MIAT: variants seen among roughly 807,000 people sequenced by gnomAD.
MIAT encodes the protein myocardial infarction associated transcript, also known as MI related novel mRNA.
chr22:26,655,750 T>G (rs1161435101), intron 2 of MIAT, among the ~76,000 whole-genome samples: 1 of 152,234 alleles, frequency 6.6e-6, no homozygotes, highest in Non-Finnish European at 1.5e-5. Flanking sequence ...TCAGAATTCC[T>G]TGGTGGGCTT....
At chr22:26,663,815 C>T (rs1602363759) in intron 3 of MIAT, among the ~76,000 whole-genome samples, 1 of 152,072 alleles carries the variant, frequency 6.6e-6, no homozygotes, top group Non-Finnish European at 1.5e-5. Context: ...CCTGTGTAAC[C>T]ATTGCCACAA....
At position 26,669,284 on chromosome 22, in the gene MIAT, C is replaced by A. The variant is rs2146017411; in HGVS notation, n.3389C>A. 2 of 398,768 alleles carry A rather than the reference C, an allele frequency of 5.0e-6. 1 individual carries two copies. Among genetic ancestry groups the A allele is most frequent in the South Asian group, 2.5e-4 (2 of 7,860 alleles). The allele number at this position is 398,768 out of a possible 1,614,324, so 24.7% of individuals were successfully genotyped here. A position where few individuals can be genotyped will look rare whatever the true frequency, so the allele number is the denominator to read the frequency against. ...CAGCTTGGGCTGCCACAGCACCATG[C>A]CAGACTGGATGGCTTAAACATCAGG... On this transcript the variant is annotated non_coding_transcript_exon_variant, in exon 6 of 6. Transcript: ENST00000643270.
exon 6 of MIAT, chr22:26,668,647 G>C (rs554253748): frequency 2.3e-5 from 9 of 399,318 alleles, no homozygotes; most frequent in Admixed American, 1.8e-4. Context: ...GAGTCGGGGA[G>C]GGGCTGTCAG....
chr22:26,672,304 G>A, downstream of MIAT: 1 of 399,190 alleles, frequency 2.5e-6, no homozygotes, highest in Non-Finnish European at 4.4e-6. Flanking sequence ...GGGGCTACTG[G>A]CCCTGTAGAC....
chr22:26,656,481 C>T (rs1046118636), intron 2 of MIAT, among the ~76,000 whole-genome samples: 1 of 151,172 alleles, frequency 6.6e-6, no homozygotes, highest in Non-Finnish European at 1.5e-5. Flanking sequence ...CCCGCCACCA[C>T]ACCCGGCTAA....
At chr22:26,666,922 G>C in exon 4 of MIAT, 1 of 399,744 alleles carries the variant, frequency 2.5e-6, no homozygotes, top group Non-Finnish European at 4.4e-6. Flanking sequence ...CCTGTGTGTC[G>C]GCTGGATGCT....
intron 2 of MIAT, among the ~76,000 whole-genome samples, chr22:26,658,705 G>A (rs1329129185): frequency 6.6e-6 from 1 of 152,210 alleles, no homozygotes; most frequent in East Asian, 1.9e-4. Context: ...GAGGCTGCCC[G>A]GCGCCTGGGA....
exon 5 of MIAT, chr22:26,676,405 T>A (rs570714498): frequency 4.0e-5 from 16 of 398,564 alleles, no homozygotes; most frequent in Non-Finnish European, 6.2e-5. Context: ...CTTGGATTTT[T>A]GTTTTCATCC....
chr22:26,650,738 C>T (rs1482532758), intron 2 of MIAT, among the ~76,000 whole-genome samples: 3 of 152,128 alleles, frequency 2.0e-5, no homozygotes, highest in Non-Finnish European at 4.4e-5. Context: ...GCAGTGGGGT[C>T]ATTGTTCAGC....
At chr22:26,674,089 GA>G (rs768125281), downstream of MIAT, 67 of 398,538 alleles carry the variant, frequency 1.7e-4, no homozygotes, top group Admixed American at 4.0e-4. Context: ...TCATTTTGGG[GA>G]CTTTGTGTTT....
chr22:26,647,221 T>G (rs1203035781), exon 2 of MIAT: 1 of 398,360 alleles, frequency 2.5e-6, no homozygotes, highest in African/African-American at 2.1e-5. Context: ...AGCTTCAAGA[T>G]TTAGTCATTC....
chr22:26,652,019 A>G (rs1419501699), intron 2 of MIAT, among the ~76,000 whole-genome samples: 1 of 152,164 alleles, frequency 6.6e-6, no homozygotes, highest in Admixed American at 6.5e-5. Flanking sequence ...TTTGAGACAG[A>G]GTTTTGCTCT....
rs191038005 is a variant in MIAT at position 26,659,731 on chromosome 22, C to T, written n.647-3585C>T. Reference sequence around the variant, plus strand: ...TATAATTTTTTCCGATTTTAAAAGACAAATTCAATAAGTTTAATAAAATGC... The same window carrying T: ...TATAATTTTTTCCGATTTTAAAAGATAAATTCAATAAGTTTAATAAAATGC... On this transcript the variant is annotated intron_variant and non_coding_transcript_variant, in intron 2 of 5. Transcript: ENST00000643270. Among the ~76,000 whole-genome samples the T allele has an allele frequency of 3.1e-3, 443 of 141,276 alleles. 2 individuals are homozygous for T. Among genetic ancestry groups the T allele is most frequent in the African/African-American group, 9.7e-3 (370 of 38,084 alleles). The allele number at this position is 141,276 out of a possible 152,430, so 92.7% of individuals were successfully genotyped here.
At chr22:26,658,562 GAAGA>G (rs1930543573) in intron 2 of MIAT, among the ~76,000 whole-genome samples, 1 of 152,216 alleles carries the variant, frequency 6.6e-6, no homozygotes, top group South Asian at 2.1e-4. Flanking sequence ...GGGGATTTGG[GAAGA>G]AAGGGGCCAG....
chr22:26,657,263 G>C (rs1824460118), intron 2 of MIAT: 5 of 370,948 alleles, frequency 1.3e-5, no homozygotes, highest in East Asian at 3.9e-5. Flanking sequence ...TGAGCGCACC[G>C]GCCAGCTAGC....
chr22:26,650,620 G>C (rs1046209060), intron 2 of MIAT: 1 of 152,276 alleles, frequency 6.6e-6, no homozygotes, highest in African/African-American at 2.4e-5. Context: ...AGGCGCCACT[G>C]GGGGCAGGAC....
chr22:26,672,189 C>T (rs1311858850), downstream of MIAT: 2 of 399,416 alleles, frequency 5.0e-6, no homozygotes, highest in Non-Finnish European at 8.8e-6. Flanking sequence ...ACTTACTAAC[C>T]CAGCCCCTAC....
chr22:26,669,668 G>T (rs969868927), downstream of MIAT: 4 of 398,840 alleles, frequency 1.0e-5, no homozygotes, highest in African/African-American at 6.2e-5. Flanking sequence ...AACATGGAAA[G>T]TCAGAGCCTT....
At chr22:26,664,390 T>C (rs777595393) in intron 3 of MIAT, among the ~76,000 whole-genome samples, 1 of 152,212 alleles carries the variant, frequency 6.6e-6, no homozygotes, top group South Asian at 2.1e-4. Context: ...AAAAGTCATA[T>C]AACTCACCCA....
Sources: gnomAD v4.1 joint callset for allele counts (sites outside exome capture counted in the v4.1 genomes callset) on GRCh38, gnomAD v4.1.1 for gene constraint, MANE v1.5 for transcripts, NCBI Gene and HGNC (gene_info 2026-07-23, HGNC 2026-07-21) for gene names.